Variants in KLHL2 observed in about 807,000 individuals in gnomAD.
KLHL2 encodes the protein kelch like family member 2.
KLHL2 carries 15 observed loss-of-function variants against 75.8 expected under a neutral mutation model. The ratio of observed to expected loss-of-function variants is 0.20; its 90% CI spans 0.13 to 0.30. The LOEUF (loss-of-function observed/expected upper bound fraction) is 0.30. KLHL2 is among the 10% of genes least tolerant of loss of function. The pLI is 1.00. For synonymous variants in KLHL2, 214 were observed against 251.9 expected, an observed-to-expected ratio of 0.85 and a Z score of 1.42; for missense variants, 381 against 741.0, an observed-to-expected ratio of 0.51 and a Z score of 5.64.
At chr4:165,215,628 G>A (rs1410964794) in intron 1 of KLHL2, among the ~76,000 whole-genome samples, 8 of 152,094 alleles carry the variant, frequency 5.3e-5, no homozygotes, top group African/African-American at 1.9e-4. Flanking sequence ...CAGTGATGGT[G>A]GCCACCCAAG....
At chr4:165,297,896 T>C (rs1224905872) in intron 7 of KLHL2, among the ~76,000 whole-genome samples, 171 bp downstream of exon 7, 1 of 152,180 alleles carries the variant, frequency 6.6e-6, no homozygotes, top group South Asian at 2.1e-4. Context: ...TCATCTCGGC[T>C]CTCCGCAACC....
chr4:165,229,037 T>C (rs1738676856), intron 3 of KLHL2, 124 bp downstream of exon 3: 1 of 607,754 alleles, frequency 1.6e-6, no homozygotes, highest in Non-Finnish European at 2.9e-6. Context: ...TGGAAGAAAA[T>C]GTTCTTGCTT....
intron 5 of KLHL2, among the ~76,000 whole-genome samples, chr4:165,293,307 G>A (rs1396848570): frequency 2.0e-5 from 3 of 152,062 alleles, no homozygotes; most frequent in Admixed American, 6.6e-5. Context: ...GCCAAGAAGC[G>A]ATCTTTTTTC....
At chr4:165,254,728 C>G (rs1465763448) in intron 4 of KLHL2, among the ~76,000 whole-genome samples, 1 of 152,086 alleles carries the variant, frequency 6.6e-6, no homozygotes, top group African/African-American at 2.4e-5. Context: ...GTTCTATATT[C>G]GCTTGATAAC....
chr4:165,257,231 C>T (rs1223480300), intron 4 of KLHL2, among the ~76,000 whole-genome samples: 1 of 152,194 alleles, frequency 6.6e-6, no homozygotes, highest in East Asian at 1.9e-4. Flanking sequence ...GAATGGAGGA[C>T]TTGAGCTGGA....
intron 3 of KLHL2, among the ~76,000 whole-genome samples, chr4:165,234,505 T>C (rs1432984012): frequency 2.0e-5 from 3 of 152,228 alleles, no homozygotes; most frequent in Non-Finnish European, 4.4e-5. Context: ...TTTTTAAACC[T>C]ATTCACTTTT....
intron 5 of KLHL2, among the ~76,000 whole-genome samples, chr4:165,283,866 G>A (rs1418248582): frequency 6.6e-6 from 1 of 152,166 alleles, no homozygotes; most frequent in Non-Finnish European, 1.5e-5. Context: ...AAATCGAGGT[G>A]GAGGTTACCA....
chr4:165,272,554 A>G (rs924579403), intron 5 of KLHL2, among the ~76,000 whole-genome samples: 4 of 152,170 alleles, frequency 2.6e-5, no homozygotes, highest in African/African-American at 7.2e-5. Context: ...AGTTTTCTCT[A>G]TAGTGATTGA....
chr4:165,208,109 C>G (rs1036487430), intron 1 of KLHL2, among the ~76,000 whole-genome samples: 2 of 151,802 alleles, frequency 1.3e-5, no homozygotes, highest in African/African-American at 4.8e-5. Flanking sequence ...AAACGCTGCC[C>G]AGGATTTCTG....
rs181808303 is a variant in KLHL2, at chr4:165,267,788, C to T, written c.544+4429C>T. Among the ~76,000 whole-genome samples, 1,469 of 152,190 alleles carry T rather than the reference C, an allele frequency of 9.7e-3. 22 individuals carry two copies. Among genetic ancestry groups the T allele is most frequent in the African/African-American group, 0.032 (1,312 of 41,532 alleles). On this transcript the variant is annotated intron_variant, in intron 5 of 14. Coordinates refer to ENST00000226725, the MANE Select transcript of KLHL2 (RefSeq NM_007246.4). ...CTAAAATTCTCTTTTTTTGTTGTTT[C>T]TCTGCCAGCCTTTGGTATCAGTATG... is the stretch of plus-strand genomic sequence containing the variant.
intron 5 of KLHL2, among the ~76,000 whole-genome samples, chr4:165,274,224 GA>G (rs1186189265): frequency 1.3e-5 from 2 of 152,084 alleles, no homozygotes; most frequent in African/African-American, 4.8e-5. Flanking sequence ...GAAGGGAGGA[GA>G]AAGAAGCTGA....
At chr4:165,227,932 C>G (rs1578993138) in intron 2 of KLHL2, among the ~76,000 whole-genome samples, 1 of 150,640 alleles carries the variant, frequency 6.6e-6, no homozygotes, top group East Asian at 1.9e-4. Flanking sequence ...GAGTCTCACT[C>G]TGTCACCCAG....
intron 5 of KLHL2, among the ~76,000 whole-genome samples, chr4:165,285,230 C>T (rs1743996270): frequency 6.6e-6 from 1 of 152,082 alleles, no homozygotes; most frequent in African/African-American, 2.4e-5. Flanking sequence ...CCTTTCAGAT[C>T]TCTTATACCA....
At chr4:165,318,645 A>G (rs1746752354) in intron 14 of KLHL2, among the ~76,000 whole-genome samples, 1 of 152,218 alleles carries the variant, frequency 6.6e-6, no homozygotes, top group African/African-American at 2.4e-5. Flanking sequence ...CCAGTATAAC[A>G]TGGGTGAATA....
chr4:165,305,335 T>C (rs192215849), intron 8 of KLHL2, among the ~76,000 whole-genome samples: 1,681 of 152,026 alleles, frequency 0.011, 18 homozygotes, highest in Non-Finnish European at 0.017. Flanking sequence ...GTTTTTTTGC[T>C]TAAATAACTG....
chr4:165,226,536 T>C (rs539132043), intron 2 of KLHL2, among the ~76,000 whole-genome samples: 1 of 152,252 alleles, frequency 6.6e-6, no homozygotes, highest in African/African-American at 2.4e-5. Flanking sequence ...TCCTATAATT[T>C]TTGCATTGCC....
intron 3 of KLHL2, among the ~76,000 whole-genome samples, chr4:165,234,411 A>AT (rs200256276): frequency 5.3e-5 from 8 of 151,722 alleles, no homozygotes; most frequent in Non-Finnish European, 7.4e-5. Context: ...TTACACTTTT[A>AT]TTTTTTTTCA....
intron 5 of KLHL2, among the ~76,000 whole-genome samples, chr4:165,277,598 C>A (rs1211721820): frequency 1.3e-5 from 2 of 152,182 alleles, no homozygotes; most frequent in African/African-American, 4.8e-5. Context: ...AAGTCCTGTT[C>A]CAGTAGTGTT....
intron 5 of KLHL2, among the ~76,000 whole-genome samples, chr4:165,276,510 CT>C (rs929015696): frequency 7.8e-4 from 114 of 146,556 alleles, no homozygotes; most frequent in African/African-American, 1.7e-3. Flanking sequence ...ATCAGCCTAA[CT>C]TTTTTTTTTT....
Sources: allele counts gnomAD v4.1 joint callset (sites outside exome capture counted in the v4.1 genomes callset), GRCh38; gene constraint gnomAD v4.1.1; transcripts MANE v1.5; gene names NCBI Gene and HGNC (gene_info 2026-07-23, HGNC 2026-07-21).